ZNF385D: variants seen among roughly 807,000 people sequenced by gnomAD.
The protein encoded by ZNF385D is zinc finger protein 659.
Under a neutral mutation model 35.8 loss-of-function variants are expected in ZNF385D, and 15 were observed. The observed-to-expected ratio is 0.42, with a 90% confidence interval of 0.28 to 0.64. The LOEUF (loss-of-function observed/expected upper bound fraction) is 0.64, where lower values mean the gene tolerates loss of function less well. Among genes scored for constraint, ZNF385D ranks in the 30% least tolerant of loss-of-function variants. The pLI is 0.23. For missense variants in ZNF385D, 474 were observed against 494.6 expected (o/e 0.96, Z 0.39); for synonymous variants, 212 against 186.8 (o/e 1.13, Z -1.10).
chr3:22,013,995 T>C (rs773232929), intron 3 of ZNF385D, among the ~76,000 whole-genome samples: 2 of 152,108 alleles, frequency 1.3e-5, no homozygotes, highest in Non-Finnish European at 2.9e-5. Context: ...AGGAAAATCA[T>C]TGGCAGGACA....
intron 3 of ZNF385D, among the ~76,000 whole-genome samples, chr3:22,068,524 C>G (rs913786706): frequency 6.6e-6 from 1 of 152,112 alleles, no homozygotes; most frequent in African/African-American, 2.4e-5. Context: ...CAATTTAAAA[C>G]TTTTTATTAT....
In ZNF385D at chr3:21,705,640, A is replaced by T. The variant is rs73819960; in HGVS notation, c.23-40612T>A. Among the ~76,000 whole-genome samples the T allele has an allele frequency of 5.3e-3, 807 of 152,298 alleles. 5 individuals carry two copies. The highest frequency in any genetic ancestry group is 0.019 in the African/African-American group (776 of 41,562). ...AATCTCTTCATTTTACACCTGGGGA[A>T]ATTAAAACTAAGAGAATAAAAGACT... On this transcript the variant is annotated intron_variant, in intron 1 of 7. Coordinates refer to ENST00000281523, the MANE Select transcript of ZNF385D (RefSeq NM_024697.3).
At chr3:22,146,975 C>T (rs555317359) in intron 3 of ZNF385D, among the ~76,000 whole-genome samples, 1 of 152,048 alleles carries the variant, frequency 6.6e-6, no homozygotes. Context: ...TAACAGTAAG[C>T]TAATCAAACG....
chr3:21,559,655 A>G (rs9968144), intron 3 of ZNF385D, among the ~76,000 whole-genome samples: 105,393 of 151,898 alleles, frequency 0.69, 37,700 homozygotes, highest in African/African-American at 0.88. Flanking sequence ...TGCTCTTCTC[A>G]AGGAGTATCT....
At chr3:21,638,173 C>G (rs1275640717) in intron 2 of ZNF385D, among the ~76,000 whole-genome samples, 2 of 151,952 alleles carry the variant, frequency 1.3e-5, no homozygotes, top group Non-Finnish European at 2.9e-5. Flanking sequence ...TAGGAAAATA[C>G]AAATAACTCA....
At chr3:21,990,403 A>C in intron 3 of ZNF385D, among the ~76,000 whole-genome samples, 1 of 152,222 alleles carries the variant, frequency 6.6e-6, no homozygotes, top group Non-Finnish European at 1.5e-5. Flanking sequence ...CTATGAACTT[A>C]CCTAACTTCC....
chr3:22,288,219 G>C (rs547502492), intron 2 of ZNF385D, among the ~76,000 whole-genome samples: 2 of 152,114 alleles, frequency 1.3e-5, no homozygotes, highest in Admixed American at 6.6e-5. Context: ...ATGTGCCTCA[G>C]AGTGAGTATC....
intron 2 of ZNF385D, among the ~76,000 whole-genome samples, chr3:22,371,531 C>G (rs1248775159): frequency 2.0e-5 from 3 of 152,180 alleles, no homozygotes; most frequent in Non-Finnish European, 4.4e-5. Context: ...AGCACAATCT[C>G]CAGAAACACA....
chr3:22,155,991 A>T (rs1232981291), intron 3 of ZNF385D, among the ~76,000 whole-genome samples: 1 of 152,124 alleles, frequency 6.6e-6, no homozygotes, highest in Admixed American at 6.6e-5. Context: ...TGAAATGAAA[A>T]GAAAAATATG....
In ZNF385D at chr3:21,764,982, G is replaced by A. The variant is rs185266552; in HGVS notation, c.326-99954C>T. 6.6e-5 allele frequency among the ~76,000 whole-genome samples: 10 copies of A among 152,126 alleles called. No individual in the cohort carries two copies. The East Asian group carries it at 7.7e-4, about 12-fold the overall frequency. On this transcript the variant is annotated intron_variant, in intron 3 of 5. Transcript: ENST00000494108. ...TTTAAAGATCTTCTAGCATTGAGACGTATCCTTAGACTGAGATTACCCATA... is the reference window on the plus strand; with the variant it reads ...TTTAAAGATCTTCTAGCATTGAGACATATCCTTAGACTGAGATTACCCATA...
Position 22,252,189 on chromosome 3 carries a change from T to G in ZNF385D, c.107-83154A>C, listed in dbSNP as rs76979434. On this transcript the variant is annotated intron_variant, in intron 2 of 5. Transcript: ENST00000494108. ...TTGCCTCAGAATTTCAAAGAATTGA[T>G]TTAGCAAGGTTTATACAATTGCATG... Among the ~76,000 whole-genome samples the G allele has an allele frequency of 6.0e-3, 916 of 152,188 alleles. 6 individuals carry two copies. The highest frequency in any genetic ancestry group is 0.021 in the African/African-American group (866 of 41,538).
chr3:22,014,579 A>T (rs1576154937), intron 3 of ZNF385D, among the ~76,000 whole-genome samples: 1 of 152,146 alleles, frequency 6.6e-6, no homozygotes, highest in Non-Finnish European at 1.5e-5. Flanking sequence ...AAATGCAGAC[A>T]TTTTTATACA....
intron 3 of ZNF385D, among the ~76,000 whole-genome samples, chr3:22,151,609 G>C (rs1246911813): frequency 6.6e-6 from 1 of 152,116 alleles, no homozygotes; most frequent in African/African-American, 2.4e-5. Flanking sequence ...CTTGCTTGAG[G>C]AAAGTCAGTG....
intron 3 of ZNF385D, among the ~76,000 whole-genome samples, chr3:21,560,456 G>C (rs2062900845): frequency 6.6e-6 from 1 of 152,204 alleles, no homozygotes; most frequent in East Asian, 1.9e-4. Flanking sequence ...CTGTTTGCCT[G>C]GGTATCACCA....
At chr3:21,689,308 T>A (rs2067208033) in intron 1 of ZNF385D, among the ~76,000 whole-genome samples, 1 of 152,052 alleles carries the variant, frequency 6.6e-6, no homozygotes, top group Non-Finnish European at 1.5e-5. Flanking sequence ...CCACTAATAC[T>A]CAGTCACTGA....
intron 1 of ZNF385D, among the ~76,000 whole-genome samples, chr3:21,712,901 C>T (rs1055788505): frequency 1.3e-5 from 2 of 152,178 alleles, no homozygotes; most frequent in African/African-American, 4.8e-5. Flanking sequence ...AGACTCCTAA[C>T]TGGCTTTAAT....
intron 3 of ZNF385D, among the ~76,000 whole-genome samples, chr3:22,152,048 C>A (rs1298188377): frequency 6.6e-6 from 1 of 152,070 alleles, no homozygotes; most frequent in Non-Finnish European, 1.5e-5. Flanking sequence ...TTGTTCCCCT[C>A]TTTGCGTCTG....
rs145786310 is a variant in ZNF385D, at chr3:21,487,546, C to T, written c.439+23315G>A. On this transcript the variant is annotated intron_variant, in intron 4 of 7. Transcript: ENST00000281523. ...ACTGATGCTTCCAAATGCAATCACA[C>T]ACCATATAATATACTCATGCATAAC... Among the ~76,000 whole-genome samples the T allele has an allele frequency of 3.5e-3, 538 of 152,180 alleles. 4 individuals carry two copies. The highest frequency in any genetic ancestry group is 0.012 in the African/African-American group (497 of 41,536).
chr3:21,938,748 C>T (rs897348300), intron 3 of ZNF385D, among the ~76,000 whole-genome samples: 7 of 152,184 alleles, frequency 4.6e-5, no homozygotes, highest in Non-Finnish European at 1.0e-4. Context: ...ACACCCCCAC[C>T]TTCTATGTCC....
Sources: gnomAD v4.1 joint callset for allele counts (sites outside exome capture counted in the v4.1 genomes callset) on GRCh38, gnomAD v4.1.1 for gene constraint, MANE v1.5 for transcripts, NCBI Gene and HGNC (gene_info 2026-07-23, HGNC 2026-07-21) for gene names.